The following EXT1 variants were observed in gnomAD, a reference collection of about 807,000 sequenced individuals.
The protein encoded by EXT1 is exostosin-1.
EXT1 carries 20 observed loss-of-function variants against 82.5 expected under a neutral mutation model. The ratio of observed to expected loss-of-function variants is 0.24; its 90% CI spans 0.17 to 0.35. EXT1 has a LOEUF of 0.35. Among genes scored for constraint, EXT1 ranks in the 10% least tolerant of loss-of-function variants. The pLI is 1.00. For synonymous variants in EXT1, 348 were observed against 350.8 expected, an observed-to-expected ratio of 0.99 and a Z score of 0.09; for missense variants, 757 against 936.5, an observed-to-expected ratio of 0.81 and a Z score of 2.50.
At chr8:118,090,643 G>A (rs910338088) in intron 1 of EXT1, among the ~76,000 whole-genome samples, 2 of 151,712 alleles carry the variant, frequency 1.3e-5, no homozygotes, top group South Asian at 2.1e-4. Flanking sequence ...ACTGCGCATG[G>A]TGGCGGGTGC....
chr8:118,022,898 T>C (rs1816135496), intron 1 of EXT1, among the ~76,000 whole-genome samples: 1 of 152,178 alleles, frequency 6.6e-6, no homozygotes, highest in African/African-American at 2.4e-5. Flanking sequence ...ACATTCACAG[T>C]ATAAGGCTTA....
intron 1 of EXT1, among the ~76,000 whole-genome samples, chr8:118,062,957 T>C (rs1816906095): frequency 6.6e-6 from 1 of 152,280 alleles, no homozygotes; most frequent in Middle Eastern, 3.4e-3. Flanking sequence ...CAAAATAATA[T>C]GGATGCTCAG....
At chr8:118,086,467 T>C (rs1255705210) in intron 1 of EXT1, among the ~76,000 whole-genome samples, 1 of 152,220 alleles carries the variant, frequency 6.6e-6, no homozygotes, top group Non-Finnish European at 1.5e-5. Flanking sequence ...ATCCACAGAC[T>C]TCCTCTTTCA....
At chr8:118,099,932 G>A (rs1331380255) in intron 1 of EXT1, among the ~76,000 whole-genome samples, 2 of 152,146 alleles carry the variant, frequency 1.3e-5, no homozygotes, top group East Asian at 1.9e-4. Context: ...GTCCTCTGTT[G>A]CAGGAAGCAA....
At chr8:118,097,783 A>G (rs958230522) in intron 1 of EXT1, among the ~76,000 whole-genome samples, 5 of 152,226 alleles carry the variant, frequency 3.3e-5, no homozygotes, top group Admixed American at 3.3e-4. Context: ...GAGTAAATCA[A>G]TGAAAAACCA....
intron 1 of EXT1, among the ~76,000 whole-genome samples, chr8:117,875,505 A>G (rs1397175553): frequency 6.6e-6 from 1 of 152,100 alleles, no homozygotes; most frequent in Non-Finnish European, 1.5e-5. Context: ...AAGAAGCCTT[A>G]GTATTTGCCC....
At chr8:117,906,715 A>C (rs1813550340) in intron 1 of EXT1, among the ~76,000 whole-genome samples, 1 of 152,208 alleles carries the variant, frequency 6.6e-6, no homozygotes, top group Non-Finnish European at 1.5e-5. Context: ...CACTTGAAAA[A>C]TTCACGAATT....
chr8:117,888,813 T>C (rs1326801713), intron 1 of EXT1, among the ~76,000 whole-genome samples: 1 of 152,198 alleles, frequency 6.6e-6, no homozygotes, highest in East Asian at 1.9e-4. Flanking sequence ...CTAATACATG[T>C]TGTCATTTAG....
At chr8:118,077,241 C>A (rs928302841) in intron 1 of EXT1, among the ~76,000 whole-genome samples, 1 of 152,346 alleles carries the variant, frequency 6.6e-6, no homozygotes, top group East Asian at 1.9e-4. Flanking sequence ...TATTCTCAAG[C>A]CTTCCAGGAC....
intron 3 of EXT1, among the ~76,000 whole-genome samples, chr8:117,834,681 G>A (rs1812155996): frequency 6.6e-6 from 1 of 151,684 alleles, no homozygotes; most frequent in Admixed American, 6.6e-5. Flanking sequence ...AACTAAAAGG[G>A]CAAAGACATT....
chr8:118,036,091 G>C (rs1323204901), intron 1 of EXT1, among the ~76,000 whole-genome samples: 1 of 118,860 alleles, frequency 8.4e-6, no homozygotes. Flanking sequence ...TTTTTTTCAT[G>C]TATCTGTGGT....
intron 1 of EXT1, among the ~76,000 whole-genome samples, chr8:118,102,233 C>T (rs1490183426): frequency 6.6e-6 from 1 of 152,042 alleles, no homozygotes; most frequent in Non-Finnish European, 1.5e-5. Context: ...CGCCACTGCA[C>T]TCCAGCCTGG....
At chr8:117,994,988 T>C (rs1815506545) in intron 1 of EXT1, among the ~76,000 whole-genome samples, 1 of 152,216 alleles carries the variant, frequency 6.6e-6, no homozygotes, top group African/African-American at 2.4e-5. Flanking sequence ...AAATGCTATA[T>C]AGAAGATAGG....
chr8:117,991,462 A>C (rs537965958), intron 1 of EXT1, among the ~76,000 whole-genome samples: 1 of 152,268 alleles, frequency 6.6e-6, no homozygotes, highest in East Asian at 1.9e-4. Flanking sequence ...CCCTGAATTA[A>C]GCCCTTAATA....
intron 1 of EXT1, among the ~76,000 whole-genome samples, chr8:118,079,129 T>C (rs879737288): frequency 5.9e-5 from 9 of 152,052 alleles, no homozygotes; most frequent in Non-Finnish European, 8.8e-5. Flanking sequence ...ATCAGGAAAA[T>C]AGTCATCAAA....
chr8:118,074,082 G>C (rs1467759204), intron 1 of EXT1, among the ~76,000 whole-genome samples: 2 of 152,030 alleles, frequency 1.3e-5, no homozygotes. Flanking sequence ...CCGGAATGGG[G>C]GTGGGGTGGG....
intron 1 of EXT1, among the ~76,000 whole-genome samples, chr8:117,902,078 C>G (rs1056200948): frequency 6.6e-6 from 1 of 151,512 alleles, no homozygotes; most frequent in African/African-American, 2.4e-5. Flanking sequence ...ACACATTAGC[C>G]TAGAGCCTAC....
intron 8 of EXT1, among the ~76,000 whole-genome samples, chr8:117,810,481 C>A (rs994732679): frequency 6.6e-6 from 1 of 152,212 alleles, no homozygotes; most frequent in Non-Finnish European, 1.5e-5. Context: ...TCCCAGCATG[C>A]ATTGAGTGGT....
At chr8:117,989,295 A>C (rs914351990) in intron 1 of EXT1, among the ~76,000 whole-genome samples, 3 of 150,168 alleles carry the variant, frequency 2.0e-5, no homozygotes, top group African/African-American at 4.9e-5. Flanking sequence ...AAGCCACATT[A>C]CTATGGTCTG....
Sources: allele counts gnomAD v4.1 joint callset (sites outside exome capture counted in the v4.1 genomes callset), GRCh38; gene constraint gnomAD v4.1.1; transcripts MANE v1.5; gene names NCBI Gene and HGNC (gene_info 2026-07-23, HGNC 2026-07-21).